The following SGCZ variants were observed in gnomAD, a reference collection of about 807,000 sequenced individuals.
SGCZ encodes the protein zeta-sarcoglycan.
SGCZ carries 40 observed loss-of-function variants against 41.3 expected under a neutral mutation model. That is an observed-to-expected ratio of 0.97 (90% CI 0.75 to 1.26). The LOEUF is 1.26. Ranked by LOEUF, SGCZ falls within the 50% of genes most tolerant of loss-of-function variation. The pLI is 0.00. For synonymous variants in SGCZ, 206 were observed against 137.5 expected (o/e 1.50, Z -3.49); for missense variants, 552 against 369.8 (o/e 1.49, Z -4.04).
At chr8:15,093,841 A>T (rs1263099923) in intron 1 of SGCZ, among the ~76,000 whole-genome samples, 5 of 152,200 alleles carry the variant, frequency 3.3e-5, no homozygotes, top group African/African-American at 9.6e-5. Context: ...CAGATGCTCC[A>T]TCTTTTTATA....
At chr8:14,562,156 A>G (rs1456238724) in intron 1 of SGCZ, among the ~76,000 whole-genome samples, 4 of 152,150 alleles carry the variant, frequency 2.6e-5, no homozygotes, top group Non-Finnish European at 5.9e-5. Flanking sequence ...TAAGGGGAAA[A>G]TAGTTCAAAA....
chr8:14,170,403 A>G (rs1804342313), intron 4 of SGCZ, among the ~76,000 whole-genome samples: 1 of 152,062 alleles, frequency 6.6e-6, no homozygotes. Context: ...GTATTCTTAG[A>G]TCTTTTTATT....
chr8:15,212,815 G>C (rs970130783), intron 1 of SGCZ, among the ~76,000 whole-genome samples: 1 of 151,854 alleles, frequency 6.6e-6, no homozygotes, highest in African/African-American at 2.4e-5. Flanking sequence ...GCTGGAAATG[G>C]GAATATATTA....
intron 2 of SGCZ, among the ~76,000 whole-genome samples, chr8:14,509,775 G>A (rs1269155788): frequency 2.6e-5 from 4 of 152,030 alleles, no homozygotes; most frequent in African/African-American, 4.8e-5. Flanking sequence ...GGGAGGCCTC[G>A]GGAGACTTAC....
chr8:14,452,823 C>T (rs1297939204), intron 2 of SGCZ, among the ~76,000 whole-genome samples: 3 of 151,940 alleles, frequency 2.0e-5, no homozygotes, highest in East Asian at 1.9e-4. Flanking sequence ...AGTAAGGGGC[C>T]GGGTGTGGAC....
intron 1 of SGCZ, among the ~76,000 whole-genome samples, chr8:14,775,164 A>C (rs1001715679): frequency 1.3e-5 from 2 of 152,164 alleles, no homozygotes; most frequent in Admixed American, 6.5e-5. Flanking sequence ...CAAACATTAC[A>C]TTACTGTGTA....
At chr8:14,196,473 G>A (rs930582178) in intron 4 of SGCZ, among the ~76,000 whole-genome samples, 7 of 151,962 alleles carry the variant, frequency 4.6e-5, no homozygotes, top group Non-Finnish European at 2.9e-5. Flanking sequence ...CTGTGAAAAA[G>A]AAATTGGTTA....
At position 14,279,495 on chromosome 8, in the gene SGCZ, G is replaced by A. The variant is rs13253720; in HGVS notation, c.337-41816C>T. ...ATAAAGATAACCAGCATTCAGTGGC[G>A]GGAATTTGGATTGGATGACTCCATA... On this transcript the variant is annotated intron_variant, in intron 3 of 7. Transcript: ENST00000382080. 4.5e-3 allele frequency among the ~76,000 whole-genome samples: 689 copies of A among 151,764 alleles called. 5 individuals are homozygous for A. The highest frequency in any genetic ancestry group is 8.6e-3 in the Non-Finnish European group (582 of 67,814).
At chr8:14,259,923 T>C (rs1799596497) in intron 3 of SGCZ, among the ~76,000 whole-genome samples, 1 of 152,186 alleles carries the variant, frequency 6.6e-6, no homozygotes, top group African/African-American at 2.4e-5. Flanking sequence ...TTTCACGATA[T>C]TGATTCTTCC....
At chr8:14,969,578 T>C (rs947465232) in intron 1 of SGCZ, among the ~76,000 whole-genome samples, 2 of 151,974 alleles carry the variant, frequency 1.3e-5, no homozygotes, top group Admixed American at 1.3e-4. Context: ...GATAACACTG[T>C]AGGTTAGTTG....
chr8:14,840,236 T>A (rs1050764982), intron 1 of SGCZ, among the ~76,000 whole-genome samples: 1 of 152,146 alleles, frequency 6.6e-6, no homozygotes, highest in Non-Finnish European at 1.5e-5. Context: ...TAATCAGGGT[T>A]GCCAGTGAAG....
intron 1 of SGCZ, among the ~76,000 whole-genome samples, chr8:15,122,912 G>C (rs1039907261): frequency 4.6e-5 from 7 of 152,092 alleles, no homozygotes; most frequent in Non-Finnish European, 1.0e-4. Context: ...CCATAGAAAA[G>C]ATTCTTCTTA....
chr8:14,608,386 C>A (rs1563149730), intron 1 of SGCZ, among the ~76,000 whole-genome samples: 1 of 151,594 alleles, frequency 6.6e-6, no homozygotes, highest in Non-Finnish European at 1.5e-5. Flanking sequence ...AAGCATGGTA[C>A]CAGCATATGC....
At chr8:14,878,204 T>C (rs919615342) in intron 1 of SGCZ, among the ~76,000 whole-genome samples, 1 of 151,708 alleles carries the variant, frequency 6.6e-6, no homozygotes, top group Non-Finnish European at 1.5e-5. Flanking sequence ...TTTTCTTTTT[T>C]TTTTTTTCCA....
intron 1 of SGCZ, among the ~76,000 whole-genome samples, chr8:14,865,180 A>C (rs905272385): frequency 4.0e-5 from 6 of 151,660 alleles, no homozygotes; most frequent in African/African-American, 1.5e-4. Flanking sequence ...CCGTCACGTG[A>C]CTCCCAGCTA....
At chr8:14,691,722 T>C (rs560143927) in intron 1 of SGCZ, among the ~76,000 whole-genome samples, 2 of 152,170 alleles carry the variant, frequency 1.3e-5, no homozygotes, top group South Asian at 4.1e-4. Flanking sequence ...AACATCGTTC[T>C]TCATAATCAT....
At chr8:15,123,239 C>T (rs777590117) in intron 1 of SGCZ, among the ~76,000 whole-genome samples, 4 of 152,162 alleles carry the variant, frequency 2.6e-5, no homozygotes, top group Non-Finnish European at 4.4e-5. Flanking sequence ...ATAAAACAAC[C>T]AGTGCTACCA....
intron 5 of SGCZ, among the ~76,000 whole-genome samples, chr8:14,158,974 G>C (rs969976978): frequency 2.0e-5 from 3 of 152,114 alleles, no homozygotes; most frequent in Non-Finnish European, 4.4e-5. Context: ...TCACCATGTT[G>C]GCCAGGCTGG....
At chr8:15,096,962 GGTGTGA>G (rs1806371061) in intron 1 of SGCZ, among the ~76,000 whole-genome samples, 1 of 152,130 alleles carries the variant, frequency 6.6e-6, no homozygotes, top group African/African-American at 2.4e-5. Flanking sequence ...TGGGATTACA[GGTGTGA>G]GCCACCGCAC....
Sources: gnomAD v4.1 joint callset for allele counts (sites outside exome capture counted in the v4.1 genomes callset) on GRCh38, gnomAD v4.1.1 for gene constraint, MANE v1.5 for transcripts, NCBI Gene and HGNC (gene_info 2026-07-23, HGNC 2026-07-21) for gene names.